NEK10: variants seen among roughly 807,000 people sequenced by gnomAD.
NEK10 encodes the protein NIMA related kinase 10.
Under a neutral mutation model 159.8 loss-of-function variants are expected in NEK10, and 122 were observed. The ratio of observed to expected loss-of-function variants is 0.76; its 90% CI spans 0.66 to 0.89. NEK10 has a LOEUF of 0.89. Among genes scored for constraint, NEK10 ranks in the 40% least tolerant of loss-of-function variants. The pLI is 0.00. For missense variants in NEK10, 1,342 were observed against 1,323.1 expected (o/e 1.01, Z -0.22); for synonymous variants, 466 against 457.1 (o/e 1.02, Z -0.25).
Position 27,119,752 on chromosome 3 carries a change from A to G in NEK10, c.3190+8T>C, listed in dbSNP as rs1448848933. ...GAAAGCCAGGTTACCCATGTTGATC[A>G]CTATTACCTGTAGGGTCATTTGGGG... On this transcript the variant is annotated splice_region_variant and intron_variant, in intron 33 of 35. Coordinates refer to ENST00000691995, the MANE Select transcript of NEK10 (RefSeq NM_001394966.1). 6.3e-7 allele frequency: 1 copy of G among 1,597,046 alleles called. No individual in the cohort carries two copies. Among genetic ancestry groups the G allele is most frequent in the Admixed American group, 1.7e-5 (1 of 59,918 alleles).
chr3:27,219,910 A>G (rs774375038), intron 23 of NEK10, among the ~76,000 whole-genome samples: 1 of 152,240 alleles, frequency 6.6e-6, no homozygotes, highest in Non-Finnish European at 1.5e-5. Flanking sequence ...AAAATAAATT[A>G]TATTTCTATA....
In NEK10 at chr3:27,228,600, A is replaced by G. The variant is rs559244680; in HGVS notation, c.2091-26043T>C. On this transcript the variant is annotated intron_variant, in intron 23 of 35. Coordinates refer to ENST00000691995, the MANE Select transcript of NEK10 (RefSeq NM_001394966.1). ...CAACGTGATCTAAGAGGCAGGAGCTAGTGGGAGCAGGTTGTTTCAGATGAG... is the reference window on the plus strand; with the variant it reads ...CAACGTGATCTAAGAGGCAGGAGCTGGTGGGAGCAGGTTGTTTCAGATGAG... Among the ~76,000 whole-genome samples, 87 of 152,278 alleles carry G rather than the reference A, an allele frequency of 5.7e-4. 1 individual carries two copies. In the South Asian group the frequency reaches 8.1e-3, roughly 14 times the overall value.
chr3:27,351,108 A>T (rs1180454160), intron 3 of NEK10, among the ~76,000 whole-genome samples: 1 of 152,192 alleles, frequency 6.6e-6, no homozygotes, highest in East Asian at 1.9e-4. Context: ...GGGAAGACAG[A>T]GATCACCTCT....
At chr3:27,261,919 C>T (rs2040449608) in intron 22 of NEK10, among the ~76,000 whole-genome samples, 1 of 152,146 alleles carries the variant, frequency 6.6e-6, no homozygotes, top group Non-Finnish European at 1.5e-5. Flanking sequence ...GTATTGGGTG[C>T]ATATATATTT....
intron 23 of NEK10, among the ~76,000 whole-genome samples, chr3:27,237,418 C>T (rs2149243222): frequency 6.6e-6 from 1 of 152,228 alleles, no homozygotes; most frequent in Non-Finnish European, 1.5e-5. Flanking sequence ...AATTTATGTT[C>T]AGAGATTGCA....
intron 23 of NEK10, among the ~76,000 whole-genome samples, chr3:27,226,359 A>C (rs1952645977): frequency 6.6e-6 from 1 of 151,894 alleles, no homozygotes; most frequent in Admixed American, 6.6e-5. Flanking sequence ...TTTTTAAAAA[A>C]AAGAAAGAAA....
At chr3:27,299,867 T>C (rs2043666729) in intron 13 of NEK10, among the ~76,000 whole-genome samples, 1 of 152,212 alleles carries the variant, frequency 6.6e-6, no homozygotes, top group South Asian at 2.1e-4. Flanking sequence ...TTGGAACAGC[T>C]GTATTTATCC....
intron 30 of NEK10, 98 bp from the exon 31 acceptor site, chr3:27,141,680 A>G: frequency 1.2e-6 from 1 of 817,144 alleles, no homozygotes; most frequent in South Asian, 1.6e-5. Context: ...TAAAGCAAAG[A>G]CTTCACCTTA....
chr3:27,146,883 C>T (rs764912128), intron 30 of NEK10, among the ~76,000 whole-genome samples: 2 of 152,100 alleles, frequency 1.3e-5, no homozygotes, highest in Non-Finnish European at 2.9e-5. Flanking sequence ...GTGAGGGCTG[C>T]AACTGAAGAA....
intron 22 of NEK10, chr3:27,278,631 T>G: frequency 1.1e-6 from 1 of 887,908 alleles, no homozygotes. Context: ...TGTCATGTAC[T>G]AAAGTCCATG....
In NEK10 at chr3:27,369,198, G is replaced by A. The variant is rs146691212; in HGVS notation, c.-38+27C>T. 5.2e-4 allele frequency: 79 copies of A among 152,366 alleles called. No homozygotes were observed. The highest frequency in any genetic ancestry group is 9.7e-4 in the Non-Finnish European group (66 of 68,112). The allele number at this position is 152,366 out of a possible 1,614,324, so 9.4% of individuals were successfully genotyped here. ...CTGACTCAAGCTGCTCGCCGGCACA[G>A]CCGAGCACCGGCTCCCGCCTACTCA... On this transcript the variant is annotated intron_variant, in intron 1 of 35. Transcript: ENST00000691995. This position sits in a 1 kb window ranked among gnomAD's most constrained non-coding sequence, Gnocchi z 4.2.
chr3:27,160,733 C>T (rs1945942135), intron 30 of NEK10, among the ~76,000 whole-genome samples: 1 of 151,954 alleles, frequency 6.6e-6, no homozygotes, highest in Non-Finnish European at 1.5e-5. Context: ...TGGAGAAACC[C>T]CATCTCTACT....
intron 24 of NEK10, among the ~76,000 whole-genome samples, 177 bp from the exon 25 acceptor site, chr3:27,201,757 G>A (rs1163238865): frequency 2.0e-5 from 3 of 152,076 alleles, no homozygotes; most frequent in South Asian, 4.1e-4. Flanking sequence ...CTCTTGAACT[G>A]GAATTATATT....
intron 6 of NEK10, among the ~76,000 whole-genome samples, chr3:27,316,475 T>C (rs540652774): frequency 1.8e-4 from 28 of 152,086 alleles, no homozygotes; most frequent in Non-Finnish European, 3.5e-4. Flanking sequence ...TTGGACATAC[T>C]GCAGTGCCGC....
At chr3:27,289,538 C>G (rs1215603299) in intron 19 of NEK10, among the ~76,000 whole-genome samples, 6 of 152,232 alleles carry the variant, frequency 3.9e-5, no homozygotes, top group Non-Finnish European at 7.3e-5. Flanking sequence ...ACTGCATCAA[C>G]TAGCAAGTGG....
chr3:27,139,309 T>C (rs1021169431), intron 31 of NEK10, among the ~76,000 whole-genome samples: 6 of 152,168 alleles, frequency 3.9e-5, no homozygotes, highest in Non-Finnish European at 7.3e-5. Context: ...AACATGAACC[T>C]TTCTTTGCTT....
chr3:27,249,941 C>A (rs1955480242), intron 23 of NEK10, among the ~76,000 whole-genome samples: 1 of 151,740 alleles, frequency 6.6e-6, no homozygotes, highest in African/African-American at 2.4e-5. Context: ...ATGTTGTAAC[C>A]CATTATTTTA....
chr3:27,261,269 A>T (rs1400837232), intron 22 of NEK10, among the ~76,000 whole-genome samples: 1 of 152,022 alleles, frequency 6.6e-6, no homozygotes, highest in African/African-American at 2.4e-5. Flanking sequence ...TGCTAGCTTT[A>T]AAATGTGTTT....
chr3:27,363,211 T>C (rs544227863), intron 1 of NEK10, among the ~76,000 whole-genome samples: 3 of 152,300 alleles, frequency 2.0e-5, no homozygotes, highest in African/African-American at 4.8e-5. Context: ...TCAACTGAAG[T>C]ATCCATTCTT....
Sources: allele counts gnomAD v4.1 joint callset (sites outside exome capture counted in the v4.1 genomes callset), GRCh38; gene constraint gnomAD v4.1.1; non-coding constraint Gnocchi (gnomAD v3.1); transcripts MANE v1.5; gene names NCBI Gene and HGNC (gene_info 2026-07-23, HGNC 2026-07-21).